UBE2L6: variants seen among roughly 807,000 people sequenced by gnomAD.
The protein encoded by UBE2L6 is ubiquitin/ISG15-conjugating enzyme E2 L6.
A neutral mutation model predicts 13.6 loss-of-function variants in UBE2L6; 11 were observed. The ratio of observed to expected loss-of-function variants is 0.81; its 90% confidence interval spans 0.51 to 1.34. UBE2L6 has a LOEUF of 1.34. Among genes scored for constraint, UBE2L6 ranks in the 40% most tolerant of loss-of-function variants. UBE2L6 has a pLI of 0.00. For synonymous variants in UBE2L6, 74 were observed against 83.2 expected, an observed-to-expected ratio of 0.89 and a Z score of 0.60; for missense variants, 197 against 199.5, an observed-to-expected ratio of 0.99 and a Z score of 0.07.
At chr11:57,566,959 C>CCCCCCCCCCCCCCCA in intron 1 of UBE2L6, 1 of 300,094 alleles carries the variant, frequency 3.3e-6, no homozygotes, top group Non-Finnish European at 6.9e-6. Flanking sequence ...CCCCCCCCCC[C>CCCCCCCCCCCCCCCA]TCCTAGAACA....
intron 1 of UBE2L6, among the ~76,000 whole-genome samples, chr11:57,565,174 G>A (rs1306222173): frequency 3.3e-5 from 5 of 151,658 alleles, no homozygotes; most frequent in Admixed American, 1.3e-4. Context: ...CCTGGGAGGC[G>A]GAGGTTGCGG....
chr11:57,558,359 G>A (rs568949300), intron 2 of UBE2L6, among the ~76,000 whole-genome samples: 2 of 152,306 alleles, frequency 1.3e-5, no homozygotes, highest in South Asian at 4.2e-4. Flanking sequence ...GATTACAGGT[G>A]TAAGCCACCG....
intron 2 of UBE2L6, among the ~76,000 whole-genome samples, chr11:57,557,997 T>G (rs1185562773): frequency 6.6e-6 from 1 of 152,236 alleles, no homozygotes; most frequent in Non-Finnish European, 1.5e-5. Flanking sequence ...GACCAGAGGA[T>G]TCCATGCTGT....
At position 57,553,603 on chromosome 11, in the gene UBE2L6, C is replaced by A. The variant is rs986065784; in HGVS notation, c.310+834G>T. Among the ~76,000 whole-genome samples, 3 of 151,954 alleles carry A rather than the reference C, an allele frequency of 2.0e-5. No homozygotes were observed. In the East Asian group the frequency reaches 5.8e-4, roughly 29 times the overall value. On this transcript the variant is annotated intron_variant, in intron 3 of 3. Transcript: ENST00000287156. ...CAGCACTCTGGGAGGCGGAGGCAGG[C>A]GGATCGCCTGAGGTCAGGAGTTCGA... is the stretch of plus-strand genomic sequence containing the variant.
chr11:57,566,943 G>GGCCCCCCC, intron 1 of UBE2L6: 1 of 75,880 alleles, frequency 1.3e-5, no homozygotes, highest in Non-Finnish European at 2.7e-5. Flanking sequence ...GTTCATCTCT[G>GGCCCCCCC]CCCGCCCCCC....
chr11:57,565,374 T>G (rs1216947529), intron 1 of UBE2L6, among the ~76,000 whole-genome samples: 4 of 135,564 alleles, frequency 3.0e-5, no homozygotes, highest in African/African-American at 8.1e-5. Context: ...TTTTTTTTTT[T>G]TTTTTTTTGA....
chr11:57,564,318 G>T (rs760158823), intron 1 of UBE2L6, among the ~76,000 whole-genome samples: 3 of 152,084 alleles, frequency 2.0e-5, no homozygotes, highest in Admixed American at 6.5e-5. Flanking sequence ...AATGAAATAC[G>T]GCTGAGGGAA....
intron 2 of UBE2L6, among the ~76,000 whole-genome samples, chr11:57,557,722 T>C (rs906228316): frequency 5.3e-5 from 8 of 152,182 alleles, no homozygotes; most frequent in African/African-American, 1.7e-4. Context: ...CTGCAGAAGC[T>C]TGAGCCAAAT....
rs372087046 is a variant in UBE2L6 at position 57,554,574 on chromosome 11, G to A, written c.173C>T (p.Pro58Leu). 5.6e-6 allele frequency: 9 copies of A among 1,614,138 alleles called. No homozygotes were observed. Among genetic ancestry groups the A allele is most frequent in the African/African-American group, 1.3e-5 (1 of 75,022 alleles). The change falls in exon 3 of 4, where the codon CCG (proline) becomes CTG (leucine). Residue 58 changes from proline (P) to leucine (L), a missense_variant. Coordinates refer to ENST00000287156, the MANE Select transcript of UBE2L6 (RefSeq NM_004223.5). ...LKAFNLRISF[P>L]PEYPFKPPMI... ...GGGAGGCTTGAACGGATACTCCGGCGGGAAGCTGATGCGCAGGTTGAAGGC... is the reference window on the plus strand; with the variant it reads ...GGGAGGCTTGAACGGATACTCCGGCAGGAAGCTGATGCGCAGGTTGAAGGC...
intron 2 of UBE2L6, among the ~76,000 whole-genome samples, chr11:57,556,235 C>T (rs886274031): frequency 6.6e-6 from 1 of 152,124 alleles, no homozygotes; most frequent in Non-Finnish European, 1.5e-5. Context: ...TTTGTAATCC[C>T]AGCACTTGGA....
At chr11:57,560,488 C>G (rs1945032359) in intron 1 of UBE2L6, 56 bp from the exon 2 acceptor site, 1 of 1,343,450 alleles carries the variant, frequency 7.4e-7, no homozygotes, top group Non-Finnish European at 1.1e-6. Flanking sequence ...TTTCAGCCCC[C>G]TCCCCCTGCC....
intron 1 of UBE2L6, chr11:57,567,115 G>T (rs942951093): frequency 1.1e-5 from 5 of 457,966 alleles, no homozygotes; most frequent in African/African-American, 6.0e-5. Flanking sequence ...AGCATTCCGT[G>T]TTTCTCAGGA....
chr11:57,567,909 C>T (rs1945107765), upstream of UBE2L6: 1 of 359,088 alleles, frequency 2.8e-6, no homozygotes, highest in African/African-American at 2.1e-5. Context: ...TCCCTGCCTC[C>T]CGCGGGGTGC....
chr11:57,563,363 G>A (rs922131817), intron 1 of UBE2L6, among the ~76,000 whole-genome samples: 1 of 151,322 alleles, frequency 6.6e-6, no homozygotes. Flanking sequence ...GGTGGTGCAG[G>A]CCTGTAATCC....
rs1299739573 is a variant in UBE2L6 at position 57,554,421 on chromosome 11, C to A, written c.310+16G>T. The A allele has an allele frequency of 6.2e-7, 1 of 1,612,378 alleles. No individual in the cohort carries two copies. Among genetic ancestry groups the A allele is most frequent in the Non-Finnish European group, 8.5e-7 (1 of 1,178,786 alleles). ...ACCCAGTATCAGTCCCTCCTCCAAG[C>A]AAAGCCCAACCCCACCTTGGCAAGT... On this transcript the variant is annotated intron_variant, in intron 3 of 3. Coordinates refer to ENST00000287156, the MANE Select transcript of UBE2L6 (RefSeq NM_004223.5).
intron 2 of UBE2L6, among the ~76,000 whole-genome samples, chr11:57,560,111 C>A (rs1367114934): frequency 6.6e-6 from 1 of 152,126 alleles, no homozygotes; most frequent in Non-Finnish European, 1.5e-5. Flanking sequence ...AGGAAGGGGT[C>A]TCCTACTAAG....
chr11:57,565,644 A>C (rs1334862316), intron 1 of UBE2L6, among the ~76,000 whole-genome samples: 1 of 152,114 alleles, frequency 6.6e-6, no homozygotes, highest in African/African-American at 2.4e-5. Flanking sequence ...ATATTACAGG[A>C]GTGGGACACC....
chr11:57,564,485 T>G (rs1244363115), intron 1 of UBE2L6, among the ~76,000 whole-genome samples: 1 of 152,064 alleles, frequency 6.6e-6, no homozygotes, highest in East Asian at 1.9e-4. Flanking sequence ...AATCAGAAAT[T>G]TAAAAAAATT....
At chr11:57,564,799 G>A (rs568864412) in intron 1 of UBE2L6, among the ~76,000 whole-genome samples, 97 of 146,168 alleles carry the variant, frequency 6.6e-4, no homozygotes, top group African/African-American at 2.3e-3. Context: ...GCGAAACTCC[G>A]TCTCAAAAAA....
Sources: allele counts gnomAD v4.1 joint callset (sites outside exome capture counted in the v4.1 genomes callset), GRCh38; gene constraint gnomAD v4.1.1; transcripts MANE v1.5; gene names NCBI Gene and HGNC (gene_info 2026-07-23, HGNC 2026-07-21).